Variants in TMEM163 observed in about 807,000 individuals in gnomAD.
The protein encoded by TMEM163 is transmembrane protein 163.
Under a neutral mutation model 29.3 loss-of-function variants are expected in TMEM163, and 17 were observed. The observed-to-expected ratio is 0.58, with a 90% confidence interval of 0.40 to 0.87. The LOEUF (loss-of-function observed/expected upper bound fraction) is 0.87. Among genes scored for constraint, TMEM163 ranks in the 40% least tolerant of loss-of-function variants. The probability of loss-of-function intolerance (pLI) is 0.00; values close to 1 mark genes in which losing one functional copy is unlikely to be tolerated. For missense variants in TMEM163, 303 were observed against 381.5 expected (o/e 0.79, Z 1.71); for synonymous variants, 157 against 160.6 (o/e 0.98, Z 0.17).
chr2:134,634,552 G>T (rs1431819621), intron 2 of TMEM163, among the ~76,000 whole-genome samples: 2 of 152,190 alleles, frequency 1.3e-5, no homozygotes, highest in South Asian at 2.1e-4. Context: ...GCTTTTGGCT[G>T]ACTGATTGGA....
chr2:134,576,174 G>A (rs1343957979), intron 2 of TMEM163, among the ~76,000 whole-genome samples: 1 of 152,174 alleles, frequency 6.6e-6, no homozygotes, highest in African/African-American at 2.4e-5. Context: ...GGGATACAGA[G>A]GAAGAATTGA....
chr2:134,523,562 G>A (rs7590091), intron 4 of TMEM163, among the ~76,000 whole-genome samples: 21,295 of 152,062 alleles, frequency 0.14, 2,256 homozygotes, highest in African/African-American at 0.28. Context: ...TCTCCCCTCA[G>A]CTGCTCCCTG....
At chr2:134,464,410 G>A (rs1200677258) in intron 6 of TMEM163, among the ~76,000 whole-genome samples, 1 of 152,176 alleles carries the variant, frequency 6.6e-6, no homozygotes, top group Non-Finnish European at 1.5e-5. Flanking sequence ...CCAGGAATCT[G>A]TTTTCAGCAA....
At chr2:134,713,615 G>T in intron 1 of TMEM163, 1 of 536,264 alleles carries the variant, frequency 1.9e-6, no homozygotes, top group Non-Finnish European at 3.6e-6. Context: ...ACCACACCAG[G>T]CCATTCCTTT....
chr2:134,543,706 C>A (rs576620028), intron 4 of TMEM163, among the ~76,000 whole-genome samples: 1 of 152,324 alleles, frequency 6.6e-6, no homozygotes, highest in South Asian at 2.1e-4. Flanking sequence ...GGCTATCAAG[C>A]TATCCTGTTG....
intron 2 of TMEM163, among the ~76,000 whole-genome samples, chr2:134,609,098 AG>A (rs1682430543): frequency 1.6e-5 from 1 of 61,504 alleles, no homozygotes; most frequent in African/African-American, 6.3e-5. Context: ...AAAGGAGGAC[AG>A]ACCCCGAGAA....
chr2:134,461,585 A>T (rs1292582664), intron 6 of TMEM163, among the ~76,000 whole-genome samples: 2 of 152,220 alleles, frequency 1.3e-5, no homozygotes, highest in Non-Finnish European at 2.9e-5. Flanking sequence ...CAAACCCATG[A>T]TGACAACACA....
intron 2 of TMEM163, among the ~76,000 whole-genome samples, chr2:134,669,978 T>G (rs1212915109): frequency 6.6e-6 from 1 of 152,034 alleles, no homozygotes; most frequent in Admixed American, 6.6e-5. Context: ...TGTAACCCCA[T>G]GAGGGACCCT....
At chr2:134,696,979 TTGGCCAGGC>T (rs1558995341) in intron 2 of TMEM163, among the ~76,000 whole-genome samples, 3 of 152,282 alleles carry the variant, frequency 2.0e-5, no homozygotes, top group Non-Finnish European at 2.9e-5. Context: ...TTTCGCCATG[TTGGCCAGGC>T]TGGTCTCGAA....
chr2:134,624,688 C>T (rs1682811179), intron 2 of TMEM163, among the ~76,000 whole-genome samples: 1 of 152,204 alleles, frequency 6.6e-6, no homozygotes, highest in Non-Finnish European at 1.5e-5. Context: ...GTGGGCAGAT[C>T]ACTTGAGGCC....
rs546785559 is a variant in TMEM163 at position 134,699,624 on chromosome 2, T to C, written c.322+13576A>G. On this transcript the variant is annotated intron_variant, in intron 2 of 7. Transcript: ENST00000281924. ...TGTTATGGATGGCAGTCAAAAGTGTTTGAAAAACACTGAATTCCACAAGTC... is the reference window on the plus strand; with the variant it reads ...TGTTATGGATGGCAGTCAAAAGTGTCTGAAAAACACTGAATTCCACAAGTC... Among the ~76,000 whole-genome samples the C allele has an allele frequency of 4.6e-5, 7 of 152,328 alleles. No individual in the cohort carries two copies. In the South Asian group the frequency reaches 6.2e-4, roughly 14 times the overall value.
intron 6 of TMEM163, among the ~76,000 whole-genome samples, chr2:134,464,174 G>A (rs1351774400): frequency 6.6e-6 from 1 of 152,206 alleles, no homozygotes; most frequent in Non-Finnish European, 1.5e-5. Flanking sequence ...CCTGCTGGTC[G>A]GGGCGACTTT....
At chr2:134,474,985 G>C (rs895863615) in intron 5 of TMEM163, among the ~76,000 whole-genome samples, 1 of 152,086 alleles carries the variant, frequency 6.6e-6, no homozygotes, top group Non-Finnish European at 1.5e-5. Context: ...AAATGGACAA[G>C]TTGATTTTAA....
At chr2:134,473,535 C>CAAA (rs59806390) in intron 5 of TMEM163, among the ~76,000 whole-genome samples, 3,482 of 103,800 alleles carry the variant, frequency 0.034, 170 homozygotes, top group African/African-American at 0.11. Context: ...AACTCTGTCT[C>CAAA]AAAAAAAAAA....
intron 2 of TMEM163, among the ~76,000 whole-genome samples, chr2:134,706,161 A>T (rs1264741422): frequency 3.9e-5 from 6 of 152,220 alleles, no homozygotes; most frequent in Non-Finnish European, 5.9e-5. Context: ...GTCCCTGTCA[A>T]TAGAAGCCTG....
chr2:134,624,266 A>G (rs1682799623), intron 2 of TMEM163, among the ~76,000 whole-genome samples: 2 of 152,224 alleles, frequency 1.3e-5, no homozygotes, highest in Non-Finnish European at 2.9e-5. Context: ...AGAAGCATCA[A>G]ACGCACATAG....
chr2:134,650,253 T>A (rs188535880), intron 2 of TMEM163, among the ~76,000 whole-genome samples: 235 of 152,080 alleles, frequency 1.5e-3, no homozygotes, highest in African/African-American at 3.9e-3. Context: ...AACCTTTAAT[T>A]TTTAACTTCT....
At chr2:134,688,863 A>G (rs886936433) in intron 2 of TMEM163, among the ~76,000 whole-genome samples, 1 of 152,198 alleles carries the variant, frequency 6.6e-6, no homozygotes, top group Non-Finnish European at 1.5e-5. Context: ...AGCCACATGT[A>G]GGTACTGAGT....
At chr2:134,570,167 A>G (rs150081578) in intron 2 of TMEM163, among the ~76,000 whole-genome samples, 157 of 152,336 alleles carry the variant, frequency 1.0e-3, no homozygotes, top group African/African-American at 3.6e-3. Context: ...GAAAGAAAAA[A>G]AAAATCACAT....
Sources: allele counts gnomAD v4.1 joint callset (sites outside exome capture counted in the v4.1 genomes callset), GRCh38; gene constraint gnomAD v4.1.1; transcripts MANE v1.5; gene names NCBI Gene and HGNC (gene_info 2026-07-23, HGNC 2026-07-21).